The following NXPH1 variants were observed in gnomAD, a reference collection of about 807,000 sequenced individuals.
The protein encoded by NXPH1 is neurexophilin 1.
A neutral mutation model predicts 23.7 loss-of-function variants in NXPH1; 5 were observed. The observed-to-expected ratio is 0.21, with a 90% CI of 0.11 to 0.44. NXPH1 has a LOEUF of 0.44. Ranked by LOEUF, NXPH1 falls within the 20% of genes least tolerant of loss-of-function variation. NXPH1 has a pLI of 0.99. For missense variants in NXPH1, 324 were observed against 321.6 expected, an observed-to-expected ratio of 1.01 and a Z score of -0.06; for synonymous variants, 144 against 122.2, an observed-to-expected ratio of 1.18 and a Z score of -1.18.
intron 2 of NXPH1, among the ~76,000 whole-genome samples, chr7:8,742,593 T>A: frequency 8.5e-6 from 1 of 118,166 alleles, no homozygotes; most frequent in Non-Finnish European, 2.0e-5. Flanking sequence ...ATAATGTAAT[T>A]TATAAAATAG....
At chr7:8,464,089 A>G (rs535527561) in intron 2 of NXPH1, among the ~76,000 whole-genome samples, 82 of 152,108 alleles carry the variant, frequency 5.4e-4, no homozygotes, top group African/African-American at 1.7e-3. Context: ...AGGTTTGACA[A>G]TTCTCAGTGC....
intron 2 of NXPH1, among the ~76,000 whole-genome samples, chr7:8,640,251 TAAAGTTTTAA>T: frequency 6.6e-6 from 1 of 152,200 alleles, no homozygotes; most frequent in East Asian, 1.9e-4. Flanking sequence ...TAAATGCTTC[TAAAGTTTTAA>T]AAAATGTTTA....
rs1816184339 is a variant in NXPH1 at position 8,435,831 on chromosome 7, G to T, written c.54+64G>T. The T allele has an allele frequency of 1.4e-6, 2 of 1,475,308 alleles. No individual in the cohort carries two copies. Among genetic ancestry groups the T allele is most frequent in the South Asian group, 1.1e-5 (1 of 88,270 alleles). 91.4% of individuals were successfully genotyped at this position (1,475,308 alleles called of 1,614,324 possible). On this transcript the variant is annotated intron_variant, in intron 2 of 2. Coordinates refer to ENST00000405863, the MANE Select transcript of NXPH1 (RefSeq NM_152745.3). The surrounding 1 kb of genome is among the most constrained non-coding windows in gnomAD (Gnocchi z 5.9). ...CCGGCCGGGAGGCAAGGAAACTGGG[G>T]ACACGCGGGAGAAGGGTTACGCCGC...
chr7:8,628,146 G>A (rs1820034382), intron 2 of NXPH1, among the ~76,000 whole-genome samples: 1 of 152,020 alleles, frequency 6.6e-6, no homozygotes, highest in Non-Finnish European at 1.5e-5. Flanking sequence ...CAAAATAAAT[G>A]TAAAGGGAAA....
intron 2 of NXPH1, among the ~76,000 whole-genome samples, chr7:8,673,231 CA>C (rs1820897336): frequency 6.6e-6 from 1 of 151,896 alleles, no homozygotes; most frequent in Admixed American, 6.6e-5. Context: ...TAAATAGGAG[CA>C]AAAGTTATTT....
At chr7:8,736,071 A>G (rs990516257) in intron 2 of NXPH1, among the ~76,000 whole-genome samples, 2 of 152,140 alleles carry the variant, frequency 1.3e-5, no homozygotes, top group African/African-American at 4.8e-5. Flanking sequence ...AATCTTTTCA[A>G]AAAACCAACT....
At chr7:8,628,585 T>G (rs975608354) in intron 2 of NXPH1, among the ~76,000 whole-genome samples, 20 of 150,770 alleles carry the variant, frequency 1.3e-4, no homozygotes, top group Admixed American at 4.6e-4. Flanking sequence ...TTTTTGTGTA[T>G]GTATAAAAAA....
chr7:8,468,253 C>A (rs114125183), intron 2 of NXPH1, among the ~76,000 whole-genome samples: 1 of 152,050 alleles, frequency 6.6e-6, no homozygotes, highest in Non-Finnish European at 1.5e-5. Flanking sequence ...AAATGTCAGA[C>A]AAATGGCCAA....
chr7:8,579,354 GT>G lies in NXPH1; in HGVS notation c.54+143595del, dbSNP rs1382513508. Among the ~76,000 whole-genome samples, 95 of 123,954 alleles carry G rather than the reference GT, an allele frequency of 7.7e-4. 1 individual carries two copies. The highest frequency in any genetic ancestry group is 3.7e-3 in the African/African-American group (88 of 23,516). The allele number at this position is 123,954 out of a possible 152,430, so 81.3% of individuals were successfully genotyped here. The stretch of plus-strand genomic sequence containing the variant: ...TTAATCTAAGATTCATGGAATTCAA[GT>G]TTTTTTTGTTTTTTTTTTTTGTTTT... On this transcript the variant is annotated intron_variant, in intron 2 of 2. Coordinates refer to ENST00000405863, the MANE Select transcript of NXPH1 (RefSeq NM_152745.3).
chr7:8,521,296 A>T (rs1817767091), intron 2 of NXPH1, among the ~76,000 whole-genome samples: 1 of 152,146 alleles, frequency 6.6e-6, no homozygotes, highest in Non-Finnish European at 1.5e-5. Flanking sequence ...ATGTACACTC[A>T]CTGTGATAGA....
chr7:8,569,566 G>T (rs1295212003), intron 2 of NXPH1, among the ~76,000 whole-genome samples: 1 of 151,792 alleles, frequency 6.6e-6, no homozygotes, highest in African/African-American at 2.4e-5. Flanking sequence ...ATGTGGGAGG[G>T]CAGGAGCAGT....
At position 8,708,687 on chromosome 7, in the gene NXPH1, C is replaced by T. The variant is rs372510146; in HGVS notation, c.55-42321C>T. The stretch of plus-strand genomic sequence containing the variant: ...AGAATATGTGTTTCTCTATATCCAC[C>T]CCATACAATTTTTTTTTTACAGAAT... On this transcript the variant is annotated intron_variant, in intron 2 of 2. Coordinates refer to ENST00000405863, the MANE Select transcript of NXPH1 (RefSeq NM_152745.3). Among the ~76,000 whole-genome samples, 75 of 152,116 alleles carry T rather than the reference C, an allele frequency of 4.9e-4. 1 individual carries two copies. The highest frequency in any genetic ancestry group is 1.7e-3 in the African/African-American group (72 of 41,496).
intron 2 of NXPH1, among the ~76,000 whole-genome samples, chr7:8,554,663 C>G (rs1818328117): frequency 6.6e-6 from 1 of 151,640 alleles, no homozygotes; most frequent in Non-Finnish European, 1.5e-5. Context: ...GTCTTAAAAC[C>G]TGTGTTAAAA....
intron 2 of NXPH1, among the ~76,000 whole-genome samples, chr7:8,511,980 G>A (rs982807600): frequency 6.6e-6 from 1 of 152,158 alleles, no homozygotes; most frequent in African/African-American, 2.4e-5. Flanking sequence ...TTGGCGCTCA[G>A]CCAGGGCAGA....
intron 2 of NXPH1, 136 bp from the exon 3 acceptor site, chr7:8,750,872 G>A: frequency 1.3e-6 from 1 of 785,908 alleles, no homozygotes. Context: ...TGCTTTGGGT[G>A]TTCTTCTCAG....
At chr7:8,629,108 A>T (rs1820065137) in intron 2 of NXPH1, among the ~76,000 whole-genome samples, 1 of 152,154 alleles carries the variant, frequency 6.6e-6, no homozygotes, top group African/African-American at 2.4e-5. Flanking sequence ...ATACTGTTCC[A>T]TTATGAAAAT....
intron 2 of NXPH1, among the ~76,000 whole-genome samples, chr7:8,678,174 C>T (rs1206806135): frequency 6.6e-6 from 1 of 152,092 alleles, no homozygotes; most frequent in Non-Finnish European, 1.5e-5. Context: ...TTTTAGGTCG[C>T]TAGTACACTA....
At chr7:8,720,373 A>C (rs531903623) in intron 2 of NXPH1, among the ~76,000 whole-genome samples, 4 of 151,994 alleles carry the variant, frequency 2.6e-5, no homozygotes, top group African/African-American at 9.7e-5. Flanking sequence ...TCTCTACTCT[A>C]TCATTAGGTT....
intron 2 of NXPH1, among the ~76,000 whole-genome samples, chr7:8,451,633 G>A (rs1410828800): frequency 6.6e-6 from 1 of 152,212 alleles, no homozygotes; most frequent in African/African-American, 2.4e-5. Context: ...CAGTGGCCAA[G>A]GCCATACAAC....
Sources: gnomAD v4.1 joint callset for allele counts (sites outside exome capture counted in the v4.1 genomes callset) on GRCh38, gnomAD v4.1.1 for gene constraint, Gnocchi (gnomAD v3.1) non-coding constraint, MANE v1.5 for transcripts, NCBI Gene and HGNC (gene_info 2026-07-23, HGNC 2026-07-21) for gene names.